Variants in PRMT8 observed in about 807,000 individuals in gnomAD.
The protein encoded by PRMT8 is protein arginine methyltransferase 8.
Under a neutral mutation model 47.1 loss-of-function variants are expected in PRMT8, and 7 were observed. That is an observed-to-expected ratio of 0.15 (90% CI 0.08 to 0.28). PRMT8 has a LOEUF of 0.28. Among genes scored for constraint, PRMT8 ranks in the 10% least tolerant of loss-of-function variants. PRMT8 has a pLI of 1.00. For missense variants in PRMT8, 237 were observed against 505.4 expected (o/e 0.47, Z 5.09); for synonymous variants, 188 against 186.5 (o/e 1.01, Z -0.07).
chr12:3,555,791 G>A (rs11616177), intron 4 of PRMT8, among the ~76,000 whole-genome samples: 11,484 of 113,416 alleles, frequency 0.1, 193 homozygotes, highest in East Asian at 0.19. Flanking sequence ...GGACCTGAGG[G>A]TGCATTGAGT....
intron 1 of PRMT8, among the ~76,000 whole-genome samples, chr12:3,495,798 G>T (rs1006136768): frequency 2.0e-5 from 3 of 152,108 alleles, no homozygotes; most frequent in Non-Finnish European, 1.5e-5. Flanking sequence ...CCTGGAAATT[G>T]GGATTCCTAT....
intron 1 of PRMT8, among the ~76,000 whole-genome samples, chr12:3,412,321 AGTT>A (rs1358634934): frequency 2.6e-5 from 4 of 152,240 alleles, no homozygotes; most frequent in African/African-American, 9.6e-5. Context: ...CAGAACTAGA[AGTT>A]GTTCTGTGTG....
chr12:3,465,158 TA>T (rs5796052), intron 1 of PRMT8, among the ~76,000 whole-genome samples: 55,976 of 141,668 alleles, frequency 0.4, 12,802 homozygotes, highest in South Asian at 0.56. Context: ...AATTTTTTTA[TA>T]AAAAAATATA....
rs958231791 is a variant in PRMT8, at chr12:3,557,429, G to A, written c.481+3715G>A. Among the ~76,000 whole-genome samples the A allele has an allele frequency of 2.0e-5, 3 of 152,160 alleles. No homozygotes were observed. The highest frequency in any genetic ancestry group is 4.4e-5 in the Non-Finnish European group (3 of 68,022). ...GGCTGGGGCGAGGGGCGGGCAGCAT[G>A]TCTAGTGGCCACAAGTGGAGCTGCG... On this transcript the variant is annotated intron_variant, in intron 4 of 9. Transcript: ENST00000382622. This position sits in a 1 kb window ranked among gnomAD's most constrained non-coding sequence, Gnocchi z 4.7.
chr12:3,521,872 C>A (rs1411781049), intron 1 of PRMT8, among the ~76,000 whole-genome samples: 2 of 152,112 alleles, frequency 1.3e-5, no homozygotes, highest in Non-Finnish European at 2.9e-5. Context: ...AATCTTAAAA[C>A]AAATTATACC....
chr12:3,540,624 C>CCCCCCCCCCCCCCCCCG lies in PRMT8; in HGVS notation c.94_95insCCCCCCCCCCCCCCCCG (p.Gln32ProfsTer40). On this transcript the variant is annotated frameshift_variant, in exon 2 of 10. Transcript: ENST00000382622. LOFTEE classifies it high-confidence loss of function. ...CCCTCAGGTGAACAGCCCCCCCTCCCAGCCCCCCCAGCCCGTCGTCCCTGC... is the reference window on the plus strand; with the variant it reads ...CCCTCAGGTGAACAGCCCCCCCTCCCCCCCCCCCCCCCCCCCGAGCCCCCCCAGCCCGTCGTCCCTGC... The CCCCCCCCCCCCCCCCCG allele has an allele frequency of 7.8e-7, 1 of 1,289,522 alleles. No individual in the cohort carries two copies. The highest frequency in any genetic ancestry group is 1.1e-6 in the Non-Finnish European group (1 of 903,898). The allele number at this position is 1,289,522 out of a possible 1,614,324, so 79.9% of individuals were successfully genotyped here. A position where few individuals can be genotyped will look rare whatever the true frequency, so the allele number is the denominator to read the frequency against.
At chr12:3,534,579 T>A (rs1200946639) in intron 1 of PRMT8, among the ~76,000 whole-genome samples, 1 of 152,220 alleles carries the variant, frequency 6.6e-6, no homozygotes, top group Non-Finnish European at 1.5e-5. Flanking sequence ...TCTCTCCATC[T>A]GCACCCTGAC....
Position 3,456,797 on chromosome 12 carries a change from T to C in PRMT8, c.48+75355T>C, listed in dbSNP as rs1413282408. ...AAGATTGAACAAGAAAAAAAAAATG[T>C]CACCAAACAAAGAGAATCGAACCCC... On this transcript the variant is annotated intron_variant, in intron 1 of 9. Coordinates refer to the PRMT8 transcript ENST00000452611. The surrounding 1 kb of genome is among the most constrained non-coding windows in gnomAD (Gnocchi z 4.2). Among the ~76,000 whole-genome samples the C allele has an allele frequency of 1.3e-5, 2 of 152,004 alleles. No homozygotes were observed. The highest frequency in any genetic ancestry group is 4.8e-5 in the African/African-American group (2 of 41,380).
At chr12:3,397,494 C>G (rs532966236) in intron 1 of PRMT8, among the ~76,000 whole-genome samples, 63 of 150,806 alleles carry the variant, frequency 4.2e-4, no homozygotes, top group Non-Finnish European at 4.4e-4. Context: ...TCTGCCCCTG[C>G]TGGGGGGTGC....
intron 1 of PRMT8, among the ~76,000 whole-genome samples, chr12:3,485,158 G>C (rs1865310486): frequency 6.6e-6 from 1 of 152,208 alleles, no homozygotes; most frequent in Non-Finnish European, 1.5e-5. Context: ...CTGTTGCCCA[G>C]CAATTGGAAG....
At chr12:3,522,793 AAAAC>A (rs201257612) in intron 1 of PRMT8, among the ~76,000 whole-genome samples, 2,545 of 151,830 alleles carry the variant, frequency 0.017, 77 homozygotes, top group African/African-American at 0.056. Context: ...AAACAAACAA[AAAAC>A]AAACAAACAA....
rs1486657770 is a variant in PRMT8 at position 3,420,054 on chromosome 12, AGAGAG to A, written c.48+38613_48+38617del. On this transcript the variant is annotated intron_variant, in intron 1 of 9. Transcript: ENST00000452611. Reference sequence around the variant, plus strand: ...GACAGACAGAGAGAGAGAGAGAGAGAGAGAGAGAGAAGGGCTGAGCCTGGCTGTAC... The same window carrying A: ...GACAGACAGAGAGAGAGAGAGAGAGAAGAGAAGGGCTGAGCCTGGCTGTAC... Among the ~76,000 whole-genome samples the A allele has an allele frequency of 3.0e-3, 458 of 151,030 alleles. 5 individuals are homozygous for A. Among genetic ancestry groups the A allele is most frequent in the African/African-American group, 0.011 (438 of 41,120 alleles).
chr12:3,565,494 A>G (rs909799060), intron 4 of PRMT8, among the ~76,000 whole-genome samples: 4 of 152,160 alleles, frequency 2.6e-5, no homozygotes, highest in Non-Finnish European at 5.9e-5. Context: ...CTCCTCACCA[A>G]GCCAACTGTG....
chr12:3,420,035 CAGAGAG>C (rs145716727), intron 1 of PRMT8, among the ~76,000 whole-genome samples: 87,020 of 131,540 alleles, frequency 0.66, 28,767 homozygotes, highest in East Asian at 0.91. Context: ...GAGAGACAGA[CAGAGAG>C]AGAGAGAGAG....
chr12:3,478,853 A>G (rs1865244513), intron 1 of PRMT8, among the ~76,000 whole-genome samples: 1 of 152,242 alleles, frequency 6.6e-6, no homozygotes, highest in East Asian at 1.9e-4. Flanking sequence ...GTTGGCATCT[A>G]CTTGAAATCA....
rs1025233597 is a variant in PRMT8, at chr12:3,569,124, C to G, written c.624+276C>G. ...GTTCTCTCTTGTCGAGTTAAAGGTC[C>G]GTTTCGGTCAGCAAGTACTTAGGAC... On this transcript the variant is annotated intron_variant, in intron 5 of 9. Transcript: ENST00000382622. The surrounding 1 kb of genome is among the most constrained non-coding windows in gnomAD (Gnocchi z 8.2). Among the ~76,000 whole-genome samples, 1 of 152,262 alleles carries G rather than the reference C, an allele frequency of 6.6e-6. No homozygotes were observed. Among genetic ancestry groups the G allele is most frequent in the Admixed American group, 6.5e-5 (1 of 15,294 alleles).
At chr12:3,515,879 C>T (rs190854078) in intron 1 of PRMT8, among the ~76,000 whole-genome samples, 100 of 152,348 alleles carry the variant, frequency 6.6e-4, no homozygotes, top group African/African-American at 2.4e-3. Context: ...CCAGGCTTCC[C>T]TGGTGGTTGG....
At chr12:3,442,764 T>C (rs1864816800) in intron 1 of PRMT8, among the ~76,000 whole-genome samples, 1 of 152,178 alleles carries the variant, frequency 6.6e-6, no homozygotes. Flanking sequence ...ATTCAAGTGA[T>C]TCTCCTGCGT....
At chr12:3,383,194 T>C (rs1434253429) in intron 1 of PRMT8, among the ~76,000 whole-genome samples, 1 of 152,228 alleles carries the variant, frequency 6.6e-6, no homozygotes, top group Non-Finnish European at 1.5e-5. Flanking sequence ...TTGTTTTAGC[T>C]ATTCTAGTTC....
Sources: allele counts gnomAD v4.1 joint callset (sites outside exome capture counted in the v4.1 genomes callset), GRCh38; gene constraint gnomAD v4.1.1; non-coding constraint Gnocchi (gnomAD v3.1); transcripts MANE v1.5; gene names NCBI Gene and HGNC (gene_info 2026-07-23, HGNC 2026-07-21).